MACROD2: variants seen among roughly 807,000 people sequenced by gnomAD.
The protein encoded by MACROD2 is ADP-ribose glycohydrolase MACROD2.
Under a neutral mutation model 70.4 loss-of-function variants are expected in MACROD2, and 36 were observed. The ratio of observed to expected loss-of-function variants is 0.51; its 90% CI spans 0.39 to 0.68. MACROD2 has a LOEUF of 0.68. Among genes scored for constraint, MACROD2 ranks in the 30% least tolerant of loss-of-function variants. The pLI, the probability that MACROD2 is intolerant of heterozygous loss-of-function variation, is 0.00. For missense variants in MACROD2, 496 were observed against 538.4 expected (o/e 0.92, Z 0.78); for synonymous variants, 172 against 178.8 (o/e 0.96, Z 0.30).
chr20:14,794,749 G>T (rs2072491402), intron 5 of MACROD2, among the ~76,000 whole-genome samples: 1 of 152,076 alleles, frequency 6.6e-6, no homozygotes. Flanking sequence ...TCTTATAAGT[G>T]CCAGGCACTG....
chr20:14,364,471 A>C (rs6110263), intron 3 of MACROD2, among the ~76,000 whole-genome samples: 25,863 of 152,210 alleles, frequency 0.17, 2,649 homozygotes, highest in East Asian at 0.31. Context: ...TAAAATTGAT[A>C]ATTTTAAAGT....
intron 5 of MACROD2, among the ~76,000 whole-genome samples, chr20:15,085,881 C>CA (rs1164977695): frequency 6.9e-6 from 1 of 144,460 alleles, no homozygotes; most frequent in African/African-American, 2.7e-5. Context: ...ACAACACACA[C>CA]ACACACACAC....
intron 15 of MACROD2, among the ~76,000 whole-genome samples, chr20:16,000,342 A>G (rs1285342230): frequency 1.3e-5 from 2 of 152,142 alleles, no homozygotes; most frequent in Non-Finnish European, 2.9e-5. Flanking sequence ...TTCTGTAAGC[A>G]TAGTCTTTGC....
chr20:14,193,798 G>A (rs2081408387), intron 3 of MACROD2, among the ~76,000 whole-genome samples: 1 of 152,226 alleles, frequency 6.6e-6, no homozygotes, highest in South Asian at 2.1e-4. Flanking sequence ...GAACGAGGCA[G>A]AAATCTCTAG....
At chr20:14,426,329 T>G (rs2122912724) in intron 3 of MACROD2, among the ~76,000 whole-genome samples, 1 of 152,192 alleles carries the variant, frequency 6.6e-6, no homozygotes. Context: ...CCCCAAATAT[T>G]CCTCTTTTTT....
At chr20:15,509,809 C>A (rs949313007) in intron 8 of MACROD2, among the ~76,000 whole-genome samples, 1 of 152,214 alleles carries the variant, frequency 6.6e-6, no homozygotes, top group Non-Finnish European at 1.5e-5. Flanking sequence ...GGGCATGTCT[C>A]TTCTAGCTTC....
chr20:14,923,797 G>C (rs1367974119), intron 5 of MACROD2, among the ~76,000 whole-genome samples: 8 of 139,784 alleles, frequency 5.7e-5, no homozygotes, highest in South Asian at 2.5e-4. Flanking sequence ...GTTGGGGGAG[G>C]GGGGGGCGGC....
intron 5 of MACROD2, among the ~76,000 whole-genome samples, chr20:15,118,422 AC>A (rs2076007653): frequency 6.6e-6 from 1 of 151,732 alleles, no homozygotes; most frequent in African/African-American, 2.4e-5. Flanking sequence ...TGATCTCTTG[AC>A]CTCATGATCC....
intron 2 of MACROD2, among the ~76,000 whole-genome samples, chr20:14,077,894 C>CTTTTTT (rs58677755): frequency 5.0e-5 from 6 of 120,498 alleles, no homozygotes; most frequent in Non-Finnish European, 7.0e-5. Context: ...AAAGGTTTTT[C>CTTTTTT]TTTTTTTTTT....
chr20:14,452,270 A>G (rs2084253582), intron 3 of MACROD2, among the ~76,000 whole-genome samples: 1 of 152,082 alleles, frequency 6.6e-6, no homozygotes, highest in South Asian at 2.1e-4. Context: ...TCAATGTGTT[A>G]AATAATAAGG....
At chr20:14,075,301 A>G (rs6110157) in intron 2 of MACROD2, among the ~76,000 whole-genome samples, 39,567 of 152,092 alleles carry the variant, frequency 0.26, 5,744 homozygotes, top group African/African-American at 0.38. Flanking sequence ...ATGAATGACA[A>G]ATGCTTAGTT....
intron 5 of MACROD2, among the ~76,000 whole-genome samples, chr20:14,744,649 T>C (rs1422215502): frequency 6.6e-6 from 1 of 152,216 alleles, no homozygotes; most frequent in Admixed American, 6.5e-5. Context: ...TAACTTACTT[T>C]GGCTGATAGA....
At chr20:15,239,812 A>G (rs2077045250) in intron 6 of MACROD2, among the ~76,000 whole-genome samples, 1 of 152,180 alleles carries the variant, frequency 6.6e-6, no homozygotes, top group Admixed American at 6.5e-5. Context: ...GTGTGGAAGA[A>G]CCTCATTTTC....
intron 5 of MACROD2, among the ~76,000 whole-genome samples, chr20:14,869,941 G>A (rs933735569): frequency 6.6e-6 from 1 of 152,076 alleles, no homozygotes; most frequent in East Asian, 1.9e-4. Context: ...GCTCATGGAG[G>A]CTCTGCTATT....
chr20:15,991,356 C>G (rs1325401343), intron 15 of MACROD2, among the ~76,000 whole-genome samples: 1 of 152,208 alleles, frequency 6.6e-6, no homozygotes, highest in African/African-American at 2.4e-5. Flanking sequence ...CTACAAAGCA[C>G]CCCTGTATAG....
At chr20:14,351,338 G>A (rs533203005) in intron 3 of MACROD2, among the ~76,000 whole-genome samples, 1 of 152,090 alleles carries the variant, frequency 6.6e-6, no homozygotes, top group African/African-American at 2.4e-5. Flanking sequence ...GCTCTGGGTG[G>A]TATGGATATT....
At position 15,770,084 on chromosome 20, in the gene MACROD2, A is replaced by AT. The variant is rs1234797549; in HGVS notation, c.646-92657dup. The stretch of plus-strand genomic sequence containing the variant: ...AAATTTATTTTTTTAATTTATTTTA[A>AT]TTTTCTTTTTTTTTTTTTTTTTTTT... On this transcript the variant is annotated intron_variant, in intron 8 of 17. Coordinates refer to ENST00000684519, the MANE Select transcript of MACROD2 (RefSeq NM_001351661.2). Among the ~76,000 whole-genome samples the AT allele has an allele frequency of 5.4e-3, 683 of 125,646 alleles. 21 individuals are homozygous for AT. The highest frequency in any genetic ancestry group is 0.02 in the African/African-American group (599 of 30,642). 82.4% of individuals were successfully genotyped at this position (125,646 alleles called of 152,430 possible). A position where few individuals can be genotyped will look rare whatever the true frequency, so the allele number is the denominator to read the frequency against.
intron 3 of MACROD2, among the ~76,000 whole-genome samples, chr20:14,473,536 A>G (rs975802482): frequency 1.1e-4 from 16 of 152,096 alleles, no homozygotes; most frequent in African/African-American, 3.9e-4. Flanking sequence ...AAATTTTTCA[A>G]TCTGTTCATA....
intron 8 of MACROD2, among the ~76,000 whole-genome samples, chr20:15,640,081 G>GA (rs1434251729): frequency 6.6e-6 from 1 of 150,892 alleles, no homozygotes; most frequent in Admixed American, 6.6e-5. Flanking sequence ...GAAGGTGAGA[G>GA]AAAAAAGGAG....
Sources: gnomAD v4.1 joint callset for allele counts (sites outside exome capture counted in the v4.1 genomes callset) on GRCh38, gnomAD v4.1.1 for gene constraint, MANE v1.5 for transcripts, NCBI Gene and HGNC (gene_info 2026-07-23, HGNC 2026-07-21) for gene names.